Variants in ENTR1 observed in about 807,000 individuals in gnomAD.
ENTR1 encodes the protein endosome associated trafficking regulator 1, also known as endosome-associated-trafficking regulator 1.
A neutral mutation model predicts 47.9 loss-of-function variants in ENTR1; 47 were observed. That is an observed-to-expected ratio of 0.98 (90% CI 0.78 to 1.25). The LOEUF (loss-of-function observed/expected upper bound fraction) is 1.25, where lower values mean the gene tolerates loss of function less well. Among genes scored for constraint, ENTR1 ranks in the 50% most tolerant of loss-of-function variants. ENTR1 has a pLI of 0.00. For synonymous variants in ENTR1, 290 were observed against 245.8 expected (o/e 1.18, Z -1.68); for missense variants, 668 against 570.5 (o/e 1.17, Z -1.74).
chr9:136,407,364 C>T lies in ENTR1; in HGVS notation c.600G>A (p.Arg200=). 6.2e-7 allele frequency: 1 copy of T among 1,607,456 alleles called. No homozygotes were observed. Among genetic ancestry groups the T allele is most frequent in the Non-Finnish European group, 8.5e-7 (1 of 1,178,030 alleles). ...PSAIEQTHPE[R]VPAGTSPCST... is the part of the protein sequence containing the mutation. ...TGCAGGGCGACGTGCCGGCAGGGAC[C>T]CTCTCGGGGTGAGTCTGCTCGATGG... is the stretch of plus-strand genomic sequence containing the variant. The change falls in exon 5 of 10, where the codon AGG becomes AGA. Residue 200 remains arginine, a synonymous_variant. Transcript: ENST00000357365.
At chr9:136,407,973 A>G (rs1834863844) in intron 3 of ENTR1, 35 bp from the exon 4 acceptor site, 1 of 1,388,488 alleles carries the variant, frequency 7.2e-7, no homozygotes, top group Admixed American at 1.7e-5. Flanking sequence ...CATAAAGTCT[A>G]CTGAAGAGCG....
chr9:136,406,635 C>T (rs1248795929), intron 5 of ENTR1, among the ~76,000 whole-genome samples: 1 of 151,900 alleles, frequency 6.6e-6, no homozygotes, highest in Non-Finnish European at 1.5e-5. Flanking sequence ...TGCCGCCACG[C>T]CCAGCTAATT....
Position 136,410,443 on chromosome 9 carries a change from G to A in ENTR1, c.-46C>T. 8.7e-7 allele frequency: 1 copy of A among 1,149,522 alleles called. No individual in the cohort carries two copies. The highest frequency in any genetic ancestry group is 3.6e-5 in the South Asian group (1 of 27,572). The allele number at this position is 1,149,522 out of a possible 1,614,324, so 71.2% of individuals were successfully genotyped here. On this transcript the variant is annotated 5_prime_UTR_variant, in exon 1 of 10. Transcript: ENST00000357365. ...ACGACCTGCCTAGCCCGGCAGCGGC[G>A]GCTCCATGGCCCCGGCTCCGCCCGT...
chr9:136,407,787 C>T lies in ENTR1; in HGVS notation c.402+39G>A, dbSNP rs770503222. ...GAGGCTGCAGAGGCCGGAACAGAAA[C>T]GTCCCACAGAGCCATCGCCCACAGT... On this transcript the variant is annotated intron_variant, in intron 4 of 9. Coordinates refer to ENST00000357365, the MANE Select transcript of ENTR1 (RefSeq NM_001039707.2). 1.2e-5 allele frequency: 18 copies of T among 1,496,516 alleles called. No homozygotes were observed. In the East Asian group the frequency reaches 2.0e-4, roughly 17 times the overall value. The allele number at this position is 1,496,516 out of a possible 1,614,324, so 92.7% of individuals were successfully genotyped here.
intron 9 of ENTR1, 50 bp downstream of exon 9, chr9:136,404,005 A>C: frequency 6.5e-7 from 1 of 1,538,852 alleles, no homozygotes; most frequent in Non-Finnish European, 8.8e-7. Flanking sequence ...CGACCACTCC[A>C]ATCTCACCCC....
At position 136,405,085 on chromosome 9, in the gene ENTR1, C is replaced by G. The variant is rs769189231; in HGVS notation, c.1005+6G>C. ...AGCTCGTCCGATTCAGAGAAGAAACCCATACGGTCATCAGCTCCAGGTTCT... is the reference window on the plus strand; with the variant it reads ...AGCTCGTCCGATTCAGAGAAGAAACGCATACGGTCATCAGCTCCAGGTTCT... On this transcript the variant is annotated splice_donor_region_variant and intron_variant, in intron 7 of 9. Coordinates refer to ENST00000357365, the MANE Select transcript of ENTR1 (RefSeq NM_001039707.2). 13 of 1,610,054 alleles carry G rather than the reference C, an allele frequency of 8.1e-6. No individual in the cohort carries two copies. The highest frequency in any genetic ancestry group is 1.0e-5 in the Non-Finnish European group (12 of 1,176,952).
intron 3 of ENTR1, 44 bp downstream of exon 3, chr9:136,408,953 CTG>C (rs746930868): frequency 1.3e-6 from 2 of 1,517,100 alleles, no homozygotes; most frequent in South Asian, 1.1e-5. Flanking sequence ...GTGCCTGGCA[CTG>C]TGTTGGATGG....
At position 136,410,152 on chromosome 9, in the gene ENTR1, C is replaced by T; in HGVS notation, c.158G>A (p.Gly53Asp). Residue 53 changes from glycine (G) to aspartate (D), a missense_variant, in exon 2 of 10, where the codon GGC becomes GAC. Physicochemically the swap from Gly to Asp is moderately conservative, Grantham distance 94 (BLOSUM62 -1). Coordinates refer to ENST00000357365, the MANE Select transcript of ENTR1 (RefSeq NM_001039707.2). ...HGRDLDSPFF[G>D]IRPAFMCYVP... ...ATAGCACATAAAGGCCGGCCGAATG[C>T]CGAAGAAGGGGGAGTCCAGGTCCCT... 1 of 1,612,474 alleles carries T rather than the reference C, an allele frequency of 6.2e-7. No individual in the cohort carries two copies. Among genetic ancestry groups the T allele is most frequent in the Non-Finnish European group, 8.5e-7 (1 of 1,179,828 alleles).
At chr9:136,408,105 G>A (rs1834869945) in intron 3 of ENTR1, 167 bp from the exon 4 acceptor site, 2 of 597,898 alleles carry the variant, frequency 3.3e-6, no homozygotes, top group Non-Finnish European at 3.0e-6. Context: ...GGTGGCTGAA[G>A]GTGGGCAGTG....
At chr9:136,408,907 C>T in intron 3 of ENTR1, 92 bp downstream of exon 3, 2 of 1,032,528 alleles carry the variant, frequency 1.9e-6, no homozygotes, top group Non-Finnish European at 3.0e-6. Context: ...CCAGCTACAC[C>T]ACATAGCCAG....
chr9:136,405,416 G>C (rs569953540), intron 6 of ENTR1: 29 of 536,902 alleles, frequency 5.4e-5, no homozygotes, highest in Non-Finnish European at 9.1e-5. Context: ...CTCCAACAAG[G>C]TGTTTGGTGG....
chr9:136,410,016 C>A (rs751203478), intron 2 of ENTR1, 74 bp downstream of exon 2: 18 of 1,555,014 alleles, frequency 1.2e-5, no homozygotes, highest in Non-Finnish European at 1.6e-5. Flanking sequence ...TGGACGAGCT[C>A]GTGCTGCAGC....
chr9:136,404,737 C>G (rs1834679612), intron 7 of ENTR1, 44 bp from the exon 8 acceptor site: 1 of 1,601,600 alleles, frequency 6.2e-7, no homozygotes, highest in Middle Eastern at 1.7e-4. Flanking sequence ...TCACTGATGT[C>G]CTCACATTCA....
Position 136,410,312 on chromosome 9 carries a change from C to A in ENTR1, c.70+16G>T. The A allele has an allele frequency of 6.5e-7, 1 of 1,548,958 alleles. No individual in the cohort carries two copies. The highest frequency in any genetic ancestry group is 8.7e-7 in the Non-Finnish European group (1 of 1,146,664). On this transcript the variant is annotated intron_variant, in intron 1 of 9. Transcript: ENST00000357365. ...CGCCCACCTGGACCGCTGGACTCGGCCCCTGCCCCGCTCACCGTCGGGAAT... is the reference window on the plus strand; with the variant it reads ...CGCCCACCTGGACCGCTGGACTCGGACCCTGCCCCGCTCACCGTCGGGAAT...
Position 136,402,729 on chromosome 9 carries a change from C to G in ENTR1, c.*59G>C. ...TAAGGACACAACTGCACATTTAGAT[C>G]GAGCGGTGGTGACCTCAGGGTATAC... On this transcript the variant is annotated 3_prime_UTR_variant, in exon 10 of 10. Coordinates refer to ENST00000357365, the MANE Select transcript of ENTR1 (RefSeq NM_001039707.2). The G allele has an allele frequency of 8.9e-7, 1 of 1,120,854 alleles. No homozygotes were observed. Among genetic ancestry groups the G allele is most frequent in the Non-Finnish European group, 1.4e-6 (1 of 738,386 alleles). 69.4% of individuals were successfully genotyped at this position (1,120,854 alleles called of 1,614,324 possible).
In ENTR1 at chr9:136,402,717, G is replaced by T; in HGVS notation, c.*71C>A. The stretch of plus-strand genomic sequence containing the variant: ...AGACTGCATATTTAAGGACACAACT[G>T]CACATTTAGATCGAGCGGTGGTGAC... On this transcript the variant is annotated 3_prime_UTR_variant, in exon 10 of 10. Coordinates refer to ENST00000357365, the MANE Select transcript of ENTR1 (RefSeq NM_001039707.2). The T allele has an allele frequency of 3.0e-6, 3 of 1,015,932 alleles. No homozygotes were observed. Among genetic ancestry groups the T allele is most frequent in the Non-Finnish European group, 3.1e-6 (2 of 647,630 alleles). The allele number at this position is 1,015,932 out of a possible 1,614,324, so 62.9% of individuals were successfully genotyped here.
At chr9:136,408,238 C>G (rs567761901) in intron 3 of ENTR1, among the ~76,000 whole-genome samples, 9 of 152,204 alleles carry the variant, frequency 5.9e-5, no homozygotes, top group Admixed American at 3.3e-4. Flanking sequence ...CTCCACTGCA[C>G]ACACCCAGCT....
In ENTR1 at chr9:136,407,507, C is replaced by A. The variant is rs200886133; in HGVS notation, c.457G>T (p.Gly153Cys). 34 of 1,608,302 alleles carry A rather than the reference C, an allele frequency of 2.1e-5. No homozygotes were observed. Among genetic ancestry groups the A allele is most frequent in the Non-Finnish European group, 2.7e-5 (32 of 1,179,194 alleles). ...LDHNSPPSQT[G>C]GYGLEYQQPF... ...TGCTGATACTCCAGGCCATACCCGC[C>A]GGTTTGGGAGGGTGGGGAGTTGTGG... Residue 153 changes from glycine to cysteine, a missense_variant, in exon 5 of 10, where the codon GGC (glycine) becomes TGC (cysteine). Coordinates refer to ENST00000357365, the MANE Select transcript of ENTR1 (RefSeq NM_001039707.2).
intron 2 of ENTR1, 116 bp from the exon 3 acceptor site, chr9:136,409,183 C>CT (rs35168798): frequency 0.13 from 72,522 of 556,110 alleles, 1,515 homozygotes; most frequent in East Asian, 0.43. Flanking sequence ...GTCTAGAGAA[C>CT]TTTTTTTTTT....
Sources: allele counts gnomAD v4.1 joint callset (sites outside exome capture counted in the v4.1 genomes callset), GRCh38; gene constraint gnomAD v4.1.1; transcripts MANE v1.5; gene names NCBI Gene and HGNC (gene_info 2026-07-23, HGNC 2026-07-21).